The following PIEZO2 variants were observed in gnomAD, a reference collection of about 807,000 sequenced individuals.
The protein encoded by PIEZO2 is piezo type mechanosensitive ion channel component 2.
PIEZO2 carries 172 observed loss-of-function variants against 337.3 expected under a neutral mutation model. That is an observed-to-expected ratio of 0.51 (90% CI 0.45 to 0.58). PIEZO2 has a LOEUF of 0.58. Among genes scored for constraint, PIEZO2 ranks in the 20% least tolerant of loss-of-function variants. The pLI, the probability that PIEZO2 is intolerant of heterozygous loss-of-function variation, is 0.00. For missense variants in PIEZO2, 3,028 were observed against 3,391.3 expected, an observed-to-expected ratio of 0.89 and a Z score of 2.66; for synonymous variants, 1,251 against 1,228.5, an observed-to-expected ratio of 1.02 and a Z score of -0.38.
chr18:10,912,238 A>G (rs577134389), intron 3 of PIEZO2, among the ~76,000 whole-genome samples: 80 of 152,258 alleles, frequency 5.3e-4, no homozygotes, highest in Admixed American at 2.2e-3. Context: ...TTTTCTGAGT[A>G]CCTGATATAA....
chr18:10,973,182 C>G lies in PIEZO2; in HGVS notation c.286+6353G>C, dbSNP rs1294381981. On this transcript the variant is annotated intron_variant, in intron 3 of 55. Coordinates refer to ENST00000674853, the MANE Select transcript of PIEZO2 (RefSeq NM_001378183.1). This position sits in a 1 kb window ranked among gnomAD's most constrained non-coding sequence, Gnocchi z 4.9. ...AAGGTGAATCAAAATATCAACACGG[C>G]ATTGGCCTAAGGGTTGTTCATACGG... 6.6e-6 allele frequency among the ~76,000 whole-genome samples: 1 copy of G among 152,192 alleles called. No homozygotes were observed. Among genetic ancestry groups the G allele is most frequent in the Non-Finnish European group, 1.5e-5 (1 of 68,040 alleles).
intron 7 of PIEZO2, among the ~76,000 whole-genome samples, chr18:10,849,081 A>G (rs1258879881): frequency 1.3e-5 from 2 of 152,174 alleles, no homozygotes; most frequent in Non-Finnish European, 2.9e-5. Context: ...ATCTCAGCTC[A>G]CTGCAACCTC....
At chr18:11,050,841 A>C (rs1025216754) in intron 2 of PIEZO2, among the ~76,000 whole-genome samples, 32 of 151,510 alleles carry the variant, frequency 2.1e-4, no homozygotes, top group African/African-American at 7.7e-4. Context: ...ATGCAAGGAA[A>C]TATATCTGGG....
At chr18:10,695,839 C>A (rs1567957007) in intron 47 of PIEZO2, among the ~76,000 whole-genome samples, 2 of 152,144 alleles carry the variant, frequency 1.3e-5, no homozygotes. Context: ...TTTATAGAAA[C>A]CTTATTTCTA....
rs1477495479 is a variant in PIEZO2 at position 10,789,310 on chromosome 18, C to T, written c.1938G>A (p.Glu646=). ...VEGEPKEEEE[E]EAKEEKQERK... is the part of the protein sequence containing the mutation. ...TCTCTTGCTTCTCTTCCTTCGCTTC[C>T]TCTTCTTCCTCCTCTTTGGGCTCTC... The change falls in exon 15 of 56, where the codon GAG becomes GAA. Residue 646 remains glutamate, a synonymous_variant. Coordinates refer to ENST00000674853, the MANE Select transcript of PIEZO2 (RefSeq NM_001378183.1). 1.1e-5 allele frequency: 17 copies of T among 1,537,270 alleles called. No individual in the cohort carries two copies. The East Asian group carries it at 2.2e-4, about 20-fold the overall frequency.
At chr18:10,721,908 C>A (rs150918572) in intron 36 of PIEZO2, among the ~76,000 whole-genome samples, 6,962 of 152,148 alleles carry the variant, frequency 0.046, 524 homozygotes, top group African/African-American at 0.16. Context: ...GTAATCCCAG[C>A]ATTTTGGGAG....
In PIEZO2 at chr18:10,677,128, T is replaced by C. The variant is rs981753351; in HGVS notation, c.8081+619A>G. Among the ~76,000 whole-genome samples the C allele has an allele frequency of 6.6e-6, 1 of 152,202 alleles. No homozygotes were observed. Among genetic ancestry groups the C allele is most frequent in the African/African-American group, 2.4e-5 (1 of 41,448 alleles). ...CCTGGAAGAATAATGTCTGTCTCAA[T>C]GGAAGCCCCAGCGGGCCAGCACTTT... On this transcript the variant is annotated intron_variant, in intron 53 of 55. Transcript: ENST00000674853. The surrounding 1 kb of genome is among the most constrained non-coding windows in gnomAD (Gnocchi z 4.1).
Position 11,047,037 on chromosome 18 carries a change from T to C in PIEZO2, c.160+19090A>G, listed in dbSNP as rs1177496299. ...GTTTATGCAATTCAGAACTACAGTA[T>C]TAGGTTTTGGTAGCAAAACAAGGAC... On this transcript the variant is annotated intron_variant, in intron 2 of 55. Coordinates refer to ENST00000674853, the MANE Select transcript of PIEZO2 (RefSeq NM_001378183.1). This position sits in a 1 kb window ranked among gnomAD's most constrained non-coding sequence, Gnocchi z 7.2. Among the ~76,000 whole-genome samples the C allele has an allele frequency of 1.3e-5, 2 of 152,234 alleles. No individual in the cohort carries two copies. The highest frequency in any genetic ancestry group is 2.9e-5 in the Non-Finnish European group (2 of 68,042).
rs533039445 is a variant in PIEZO2, at chr18:11,132,830, G to C, written c.64+15695C>G. ...AGAATCACTGGGTCATCTCCAGCATGCATGGAATACAGGAGATCCATTAGG... is the reference window on the plus strand; with the variant it reads ...AGAATCACTGGGTCATCTCCAGCATCCATGGAATACAGGAGATCCATTAGG... On this transcript the variant is annotated intron_variant, in intron 1 of 55. Transcript: ENST00000674853. This position sits in a 1 kb window ranked among gnomAD's most constrained non-coding sequence, Gnocchi z 4.7. Among the ~76,000 whole-genome samples, 43 of 152,274 alleles carry C rather than the reference G, an allele frequency of 2.8e-4. No individual in the cohort carries two copies. Among genetic ancestry groups the C allele is most frequent in the African/African-American group, 7.9e-4 (33 of 41,562 alleles).
At chr18:11,089,679 G>C (rs904309011) in intron 1 of PIEZO2, among the ~76,000 whole-genome samples, 1 of 152,158 alleles carries the variant, frequency 6.6e-6, no homozygotes, top group Non-Finnish European at 1.5e-5. Flanking sequence ...GGTAGCACAA[G>C]ATGTTGACAG....
At chr18:11,017,482 CT>C (rs35472040) in intron 2 of PIEZO2, among the ~76,000 whole-genome samples, 53,301 of 141,270 alleles carry the variant, frequency 0.38, 9,872 homozygotes, top group African/African-American at 0.44. Flanking sequence ...TGCAGTTTTG[CT>C]TTTTTTTTTT....
intron 4 of PIEZO2, among the ~76,000 whole-genome samples, chr18:10,885,175 A>G (rs951887302): frequency 3.3e-5 from 5 of 152,216 alleles, no homozygotes; most frequent in African/African-American, 1.2e-4. Context: ...CTGTAATCCC[A>G]GCACTTTGGG....
rs1231251596 is a variant in PIEZO2 at position 10,899,139 on chromosome 18, T to C, written c.329+12047A>G. 2.6e-5 allele frequency among the ~76,000 whole-genome samples: 4 copies of C among 152,158 alleles called. No homozygotes were observed. Among genetic ancestry groups the C allele is most frequent in the African/African-American group, 9.6e-5 (4 of 41,454 alleles). On this transcript the variant is annotated intron_variant, in intron 4 of 55. Coordinates refer to ENST00000674853, the MANE Select transcript of PIEZO2 (RefSeq NM_001378183.1). This position sits in a 1 kb window ranked among gnomAD's most constrained non-coding sequence, Gnocchi z 4.6. ...GGCTCTATAGTTAAAAAGACCTAAC[T>C]GCCTTCGTTCAGCTGTCAAGAAGTT...
rs1226743803 is a variant in PIEZO2, at chr18:11,146,722, C to A, written c.64+1803G>T. Among the ~76,000 whole-genome samples the A allele has an allele frequency of 2.0e-5, 3 of 152,208 alleles. No homozygotes were observed. Among genetic ancestry groups the A allele is most frequent in the African/African-American group, 4.8e-5 (2 of 41,456 alleles). On this transcript the variant is annotated intron_variant, in intron 1 of 55. Coordinates refer to ENST00000674853, the MANE Select transcript of PIEZO2 (RefSeq NM_001378183.1). This position sits in a 1 kb window ranked among gnomAD's most constrained non-coding sequence, Gnocchi z 6.1. ...GGCAATCGCTGCTGGCACTTCATTC[C>A]GCCACTGGTGCCAAGTCACAGAGTG... is the stretch of plus-strand genomic sequence containing the variant.
intron 17 of PIEZO2, among the ~76,000 whole-genome samples, chr18:10,782,335 A>AT (rs1568050987): frequency 1.3e-3 from 38 of 30,024 alleles, no homozygotes; most frequent in South Asian, 5.5e-3. Flanking sequence ...AATTATATAT[A>AT]AATAATTATA....
chr18:11,113,834 T>C (rs571342348), intron 1 of PIEZO2, among the ~76,000 whole-genome samples: 1 of 152,338 alleles, frequency 6.6e-6, no homozygotes, highest in South Asian at 2.1e-4. Context: ...GTGGAGGATG[T>C]CCACCTTCGT....
chr18:10,773,858 G>C lies in PIEZO2; in HGVS notation c.2567+148C>G. On this transcript the variant is annotated intron_variant, in intron 19 of 55. Coordinates refer to ENST00000674853, the MANE Select transcript of PIEZO2 (RefSeq NM_001378183.1). This position sits in a 1 kb window ranked among gnomAD's most constrained non-coding sequence, Gnocchi z 5.3. ...TAGGTTTTGTTAGCTTTTTTAATTC[G>C]GGTTCTAGTGATTAGTTGGTAATGA... The C allele has an allele frequency of 1.6e-6, 1 of 618,398 alleles. No homozygotes were observed. The allele number at this position is 618,398 out of a possible 1,614,324, so 38.3% of individuals were successfully genotyped here. A position where few individuals can be genotyped will look rare whatever the true frequency, so the allele number is the denominator to read the frequency against.
rs1250604693 is a variant in PIEZO2 at position 10,791,208 on chromosome 18, T to C, written c.1875A>G (p.Glu625=). 2.0e-6 allele frequency: 3 copies of C among 1,534,932 alleles called. No homozygotes were observed. The highest frequency in any genetic ancestry group is 2.6e-6 in the Non-Finnish European group (3 of 1,145,798). ...ACATATACACTAATTTACCTTTTTC[T>C]TCATTTTCCTGACTGCCAATTTTGA... ...SEVKIGSQEN[E]EKDEELQDIQ... Residue 625 remains glutamate (E), a synonymous_variant, in exon 14 of 56, where the codon GAA becomes GAG. Transcript: ENST00000674853.
In PIEZO2 at chr18:10,726,587, A is replaced by G; in HGVS notation, c.5029+4820T>C. On this transcript the variant is annotated intron_variant, in intron 36 of 55. Transcript: ENST00000674853. The surrounding 1 kb of genome is among the most constrained non-coding windows in gnomAD (Gnocchi z 5.9). ...CGTCTGTCCTTCCGCCAGCTCTTCC[A>G]GGACCTGGCGCGCTACGTGCGGGAC... The G allele has an allele frequency of 7.1e-7, 1 of 1,411,214 alleles. No individual in the cohort carries two copies. The highest frequency in any genetic ancestry group is 9.4e-7 in the Non-Finnish European group (1 of 1,060,994). 87.4% of individuals were successfully genotyped at this position (1,411,214 alleles called of 1,614,324 possible). A position where few individuals can be genotyped will look rare whatever the true frequency, so the allele number is the denominator to read the frequency against.
Sources: gnomAD v4.1 joint callset for allele counts (sites outside exome capture counted in the v4.1 genomes callset) on GRCh38, gnomAD v4.1.1 for gene constraint, Gnocchi (gnomAD v3.1) non-coding constraint, MANE v1.5 for transcripts, NCBI Gene and HGNC (gene_info 2026-07-23, HGNC 2026-07-21) for gene names.